LNPK: variants seen among roughly 807,000 people sequenced by gnomAD.
LNPK encodes lunapark, ER junction formation factor.
A neutral mutation model predicts 55.2 loss-of-function variants in LNPK; 29 were observed. The ratio of observed to expected loss-of-function variants is 0.53; its 90% confidence interval spans 0.39 to 0.72. The LOEUF (loss-of-function observed/expected upper bound fraction) is 0.72. LNPK is among the 30% of genes least tolerant of loss of function. The pLI is 0.00. For missense variants in LNPK, 467 were observed against 494.8 expected, an observed-to-expected ratio of 0.94 and a Z score of 0.53; for synonymous variants, 162 against 168.2, an observed-to-expected ratio of 0.96 and a Z score of 0.29.
At chr2:175,942,331 C>T (rs961663736) in intron 9 of LNPK, among the ~76,000 whole-genome samples, 1 of 152,086 alleles carries the variant, frequency 6.6e-6, no homozygotes, top group East Asian at 1.9e-4. Flanking sequence ...TTTGAGCATC[C>T]GTGGATTCCA....
intron 9 of LNPK, among the ~76,000 whole-genome samples, chr2:175,942,500 ATAAT>A (rs1684900616): frequency 6.6e-6 from 1 of 152,194 alleles, no homozygotes; most frequent in South Asian, 2.1e-4. Context: ...TTCTAACAAA[ATAAT>A]TAAATTAGAA....
chr2:175,960,240 AATC>A (rs1167213116), intron 8 of LNPK, among the ~76,000 whole-genome samples: 1 of 152,164 alleles, frequency 6.6e-6, no homozygotes, highest in Non-Finnish European at 1.5e-5. Flanking sequence ...CTCCACCCCA[AATC>A]AACAGAATAT....
rs78354000 is a variant in LNPK at position 175,986,516 on chromosome 2, A to G, written c.257+5715T>C. On this transcript the variant is annotated intron_variant, in intron 4 of 12. Coordinates refer to ENST00000272748, the MANE Select transcript of LNPK (RefSeq NM_030650.3). ...AGTGGTCAGAAAATGTCATAGTTTC[A>G]AAAACATGTACAGTGTTATTGTTTC... Among the ~76,000 whole-genome samples the G allele has an allele frequency of 5.4e-3, 826 of 152,290 alleles. 6 individuals are homozygous for G. The highest frequency in any genetic ancestry group is 0.019 in the African/African-American group (789 of 41,582).
At chr2:175,997,520 G>T (rs1404366329) in intron 1 of LNPK, among the ~76,000 whole-genome samples, 1 of 152,066 alleles carries the variant, frequency 6.6e-6, no homozygotes, top group East Asian at 1.9e-4. Flanking sequence ...GTCTAGCAGT[G>T]TTCTGTACAC....
chr2:175,961,947 T>C (rs1431383300), intron 8 of LNPK, among the ~76,000 whole-genome samples: 2 of 152,108 alleles, frequency 1.3e-5, no homozygotes, highest in African/African-American at 4.8e-5. Context: ...TGAACTCCCA[T>C]TCACAATTGC....
At chr2:175,990,366 G>C (rs1687648227) in intron 4 of LNPK, among the ~76,000 whole-genome samples, 1 of 152,108 alleles carries the variant, frequency 6.6e-6, no homozygotes, top group South Asian at 2.1e-4. Flanking sequence ...GCATATGCTG[G>C]CTCCCTGTCA....
intron 6 of LNPK, among the ~76,000 whole-genome samples, chr2:175,970,360 C>G (rs1686599101): frequency 6.6e-6 from 1 of 152,112 alleles, no homozygotes; most frequent in Non-Finnish European, 1.5e-5. Flanking sequence ...TTGAATTGCT[C>G]TCTTACAACC....
chr2:175,958,806 G>A (rs1685839266), intron 8 of LNPK, among the ~76,000 whole-genome samples: 1 of 152,104 alleles, frequency 6.6e-6, no homozygotes, highest in Non-Finnish European at 1.5e-5. Flanking sequence ...CCCATCGCAA[G>A]GAAGCTATAA....
chr2:175,958,341 C>T (rs1685805724), intron 8 of LNPK, among the ~76,000 whole-genome samples: 1 of 152,178 alleles, frequency 6.6e-6, no homozygotes, highest in Non-Finnish European at 1.5e-5. Context: ...CAGCCGGGTG[C>T]CCCTCTGGGA....
intron 12 of LNPK, among the ~76,000 whole-genome samples, chr2:175,936,362 C>T (rs1684546460): frequency 6.6e-6 from 1 of 152,126 alleles, no homozygotes; most frequent in Non-Finnish European, 1.5e-5. Context: ...TCTGAAAATT[C>T]ACTGCTTCAT....
intron 9 of LNPK, among the ~76,000 whole-genome samples, chr2:175,940,141 G>A (rs757391421): frequency 6.6e-6 from 1 of 151,960 alleles, no homozygotes; most frequent in Non-Finnish European, 1.5e-5. Context: ...ATTGTTCCCT[G>A]AGAAGACTAA....
intron 8 of LNPK, among the ~76,000 whole-genome samples, chr2:175,963,594 C>T (rs949701975): frequency 6.6e-6 from 1 of 151,910 alleles, no homozygotes; most frequent in African/African-American, 2.4e-5. Flanking sequence ...GGGAGATATA[C>T]CTAATGCTAG....
At chr2:175,963,424 A>C (rs894088720) in intron 8 of LNPK, among the ~76,000 whole-genome samples, 1 of 152,136 alleles carries the variant, frequency 6.6e-6, no homozygotes, top group Non-Finnish European at 1.5e-5. Context: ...ATGAAATTGG[A>C]AATCATCATT....
intron 4 of LNPK, among the ~76,000 whole-genome samples, chr2:175,989,071 G>A (rs1196241731): frequency 6.6e-6 from 1 of 152,126 alleles, no homozygotes; most frequent in African/African-American, 2.4e-5. Context: ...CACCACGCCT[G>A]GCTGAAAGAC....
intron 10 of LNPK, among the ~76,000 whole-genome samples, chr2:175,939,010 C>G (rs1194723572): frequency 6.6e-6 from 1 of 151,988 alleles, no homozygotes; most frequent in African/African-American, 2.4e-5. Context: ...ACACTAAATT[C>G]TCATTCCTTT....
chr2:175,995,267 A>T (rs1687879389), intron 2 of LNPK, among the ~76,000 whole-genome samples: 1 of 152,162 alleles, frequency 6.6e-6, no homozygotes, highest in South Asian at 2.1e-4. Flanking sequence ...GAAACTTAGG[A>T]AGTATAAGAA....
chr2:175,995,804 CTTTTTTTTTTTT>C (rs10674444), intron 1 of LNPK, among the ~76,000 whole-genome samples, 158 bp from the exon 2 acceptor site: 13 of 66,396 alleles, frequency 2.0e-4, no homozygotes, highest in East Asian at 1.9e-3. Flanking sequence ...TAGAGTCTAC[CTTTTTTTTTTTT>C]TTTTTTTTTT....
chr2:175,986,663 G>T (rs919973500), intron 4 of LNPK, among the ~76,000 whole-genome samples: 3 of 151,900 alleles, frequency 2.0e-5, no homozygotes, highest in African/African-American at 7.2e-5. Flanking sequence ...TAATCCCTTT[G>T]TATCAAGAGA....
intron 6 of LNPK, among the ~76,000 whole-genome samples, chr2:175,965,494 G>A (rs962867688): frequency 6.6e-6 from 1 of 152,122 alleles, no homozygotes; most frequent in Non-Finnish European, 1.5e-5. Flanking sequence ...CTTTCTCAGT[G>A]ACCACTGATA....
Sources: allele counts gnomAD v4.1 joint callset (sites outside exome capture counted in the v4.1 genomes callset), GRCh38; gene constraint gnomAD v4.1.1; transcripts MANE v1.5; gene names NCBI Gene and HGNC (gene_info 2026-07-23, HGNC 2026-07-21).